SEMA3D: variants seen among roughly 807,000 people sequenced by gnomAD.
SEMA3D encodes the protein semaphorin-3D.
In SEMA3D, 84 loss-of-function variants were observed where a neutral mutation model predicts 100.1. The observed-to-expected ratio is 0.84, with a 90% CI of 0.70 to 1.01. The LOEUF (loss-of-function observed/expected upper bound fraction) is 1.01. Among genes scored for constraint, SEMA3D ranks in the 50% least tolerant of loss-of-function variants. SEMA3D has a pLI of 0.00. For synonymous variants in SEMA3D, 312 were observed against 320.7 expected (o/e 0.97, Z 0.29); for missense variants, 875 against 934.1 (o/e 0.94, Z 0.82).
In SEMA3D at chr7:85,022,580, A is replaced by C; in HGVS notation, c.1225T>G (p.Ser409Ala). Residue 409 changes from serine to alanine, a missense_variant, in exon 13 of 19, where the codon TCC (serine) becomes GCC (alanine). Physicochemically the swap from Ser to Ala is moderately conservative, Grantham distance 99. Coordinates refer to ENST00000284136, the MANE Select transcript of SEMA3D (RefSeq NM_001384900.1). ...PSKTYDPLIK[S>A]TRDFPDDVIS... The stretch of plus-strand genomic sequence containing the variant: ...ACATCATCTGGAAAATCTCGGGTGG[A>C]CTTAATCAGTGGGTCATAGGTTTTG... 1 of 1,612,366 alleles carries C rather than the reference A, an allele frequency of 6.2e-7. No individual in the cohort carries two copies. The highest frequency in any genetic ancestry group is 8.5e-7 in the Non-Finnish European group (1 of 1,178,830).
At position 84,998,161 on chromosome 7, in the gene SEMA3D, C is replaced by T. The variant is rs1207567905; in HGVS notation, c.*1279G>A. On this transcript the variant is annotated 3_prime_UTR_variant, in exon 19 of 19. Coordinates refer to ENST00000284136, the MANE Select transcript of SEMA3D (RefSeq NM_001384900.1). ...ATTTTACACTCGTTCTGTTATTCAA[C>T]AAATATATATCCCCACTCCCCAGAA... 2 of 152,066 alleles carry T rather than the reference C, an allele frequency of 1.3e-5. No individual in the cohort carries two copies. The highest frequency in any genetic ancestry group is 1.3e-4 in the Admixed American group (2 of 15,254). 9.4% of individuals were successfully genotyped at this position (152,066 alleles called of 1,614,324 possible).
intron 4 of SEMA3D, among the ~76,000 whole-genome samples, chr7:85,092,850 C>T (rs1382559243): frequency 6.6e-6 from 1 of 151,842 alleles, no homozygotes; most frequent in African/African-American, 2.4e-5. Context: ...AATCATGAAT[C>T]GAGAAAACTT....
At chr7:85,036,810 T>A in intron 12 of SEMA3D, 79 bp downstream of exon 12, 1 of 1,168,552 alleles carries the variant, frequency 8.6e-7, no homozygotes, top group Non-Finnish European at 1.2e-6. Flanking sequence ...CTCTGGTGAA[T>A]AGCAGAATTT....
At chr7:85,178,486 C>T (rs2116568190) in intron 1 of SEMA3D, among the ~76,000 whole-genome samples, 1 of 152,292 alleles carries the variant, frequency 6.6e-6, no homozygotes, top group South Asian at 2.1e-4. Context: ...AAAGGTGTCT[C>T]TTGCTATGTT....
chr7:85,037,030 G>T lies in SEMA3D; in HGVS notation c.1050C>A (p.Ser350=), dbSNP rs1293319502. 1 of 1,606,336 alleles carries T rather than the reference G, an allele frequency of 6.2e-7. No individual in the cohort carries two copies. The highest frequency in any genetic ancestry group is 1.3e-5 in the African/African-American group (1 of 74,250). ...CACAAACAGCAGAGCCTTTGAAGAT[G>T]GAGCTGGAAAAAAAAAGCATCATCA... ...VVYGVFTTTS[S]IFKGSAVCVY... The change falls in exon 12 of 19, where the codon TCC becomes TCA. Residue 350 remains serine, a synonymous_variant. Coordinates refer to ENST00000284136, the MANE Select transcript of SEMA3D (RefSeq NM_001384900.1).
At chr7:85,169,777 T>G (rs1476532782) in intron 1 of SEMA3D, among the ~76,000 whole-genome samples, 1 of 151,814 alleles carries the variant, frequency 6.6e-6, no homozygotes, top group African/African-American at 2.4e-5. Context: ...TACATTTTTT[T>G]TCATTTGCAG....
the SEMA3D span, among the ~76,000 whole-genome samples, chr7:85,199,394 T>C: frequency 4.6e-5 from 7 of 152,168 alleles, no homozygotes; most frequent in South Asian, 6.2e-4. Flanking sequence ...TGTTTTTCAG[T>C]TTCCTTTGCA....
chr7:85,022,654 C>G, intron 12 of SEMA3D, 41 bp from the exon 13 acceptor site: 1 of 1,311,418 alleles, frequency 7.6e-7, no homozygotes, highest in Non-Finnish European at 1.1e-6. Context: ...ATTGTTTATG[C>G]ACCTGAGAAG....
intron 9 of SEMA3D, chr7:85,050,566 C>T: frequency 2.7e-6 from 1 of 373,044 alleles, no homozygotes; most frequent in Non-Finnish European, 4.8e-6. Flanking sequence ...CTCAGGCTCT[C>T]ATTGATCAAT....
intron 4 of SEMA3D, among the ~76,000 whole-genome samples, chr7:85,093,349 G>GT (rs1372328356): frequency 6.6e-6 from 1 of 151,690 alleles, no homozygotes; most frequent in Non-Finnish European, 1.5e-5. Context: ...GTTTTGCAAA[G>GT]TTTTTTTGCT....
chr7:85,149,547 T>G (rs1298771988), intron 2 of SEMA3D, among the ~76,000 whole-genome samples: 3 of 152,218 alleles, frequency 2.0e-5, no homozygotes, highest in Admixed American at 6.5e-5. Flanking sequence ...TTATCATCAC[T>G]GTAAGTGCTA....
At chr7:85,057,108 G>A (rs1344216606) in intron 8 of SEMA3D, among the ~76,000 whole-genome samples, 1 of 151,902 alleles carries the variant, frequency 6.6e-6, no homozygotes, top group African/African-American at 2.4e-5. Flanking sequence ...AGATCTGTAG[G>A]TACTGACCTG....
At chr7:85,115,670 T>C (rs1269105839) in intron 3 of SEMA3D, among the ~76,000 whole-genome samples, 1 of 152,138 alleles carries the variant, frequency 6.6e-6, no homozygotes, top group Admixed American at 6.6e-5. Flanking sequence ...TGCAATTTAA[T>C]GAGTTGTGAC....
chr7:85,018,174 G>T, intron 15 of SEMA3D, 78 bp downstream of exon 15: 2 of 883,762 alleles, frequency 2.3e-6, no homozygotes, highest in Non-Finnish European at 3.7e-6. Context: ...AATTTCAATG[G>T]ATTTTTTTTC....
chr7:85,226,983 T>C, the SEMA3D span, among the ~76,000 whole-genome samples: 1 of 152,168 alleles, frequency 6.6e-6, no homozygotes, highest in African/African-American at 2.4e-5. Flanking sequence ...CAATGACCTT[T>C]ATGTGCTTTC....
intron 12 of SEMA3D, among the ~76,000 whole-genome samples, chr7:85,035,810 C>A (rs1419271179): frequency 1.3e-5 from 2 of 151,302 alleles, no homozygotes; most frequent in Non-Finnish European, 3.0e-5. Flanking sequence ...TGAAAAAAAA[C>A]ATGTTTCCAC....
At chr7:85,247,935 T>C in the SEMA3D span, among the ~76,000 whole-genome samples, 7 of 151,814 alleles carry the variant, frequency 4.6e-5, no homozygotes, top group African/African-American at 1.7e-4. Context: ...CCATAAAACT[T>C]TTAGAAGATA....
At chr7:85,047,844 G>A (rs958479354) in intron 9 of SEMA3D, among the ~76,000 whole-genome samples, 25 of 151,764 alleles carry the variant, frequency 1.6e-4, no homozygotes, top group African/African-American at 5.8e-4. Context: ...TTAAAATTTA[G>A]TTATTTTGCC....
chr7:85,013,668 A>G lies in SEMA3D; in HGVS notation c.1704-822T>C, dbSNP rs1467588572. On this transcript the variant is annotated intron_variant, in intron 16 of 18. Transcript: ENST00000284136. The stretch of plus-strand genomic sequence containing the variant: ...GTTCCTTGAGGGTAATGCTGAACAG[A>G]TGACAACAGATGACAAGATTCATCC... Among the ~76,000 whole-genome samples, 7 of 151,814 alleles carry G rather than the reference A, an allele frequency of 4.6e-5. No individual in the cohort carries two copies. In the East Asian group the frequency reaches 1.4e-3, roughly 30 times the overall value.
Sources: allele counts gnomAD v4.1 joint callset (sites outside exome capture counted in the v4.1 genomes callset), GRCh38; gene constraint gnomAD v4.1.1; transcripts MANE v1.5; gene names NCBI Gene and HGNC (gene_info 2026-07-23, HGNC 2026-07-21).